The following DLGAP4 variants were observed in gnomAD, a reference collection of about 807,000 sequenced individuals.
DLGAP4 encodes the protein disks large-associated protein 4.
Under a neutral mutation model 86.9 loss-of-function variants are expected in DLGAP4, and 18 were observed. The ratio of observed to expected loss-of-function variants is 0.21; its 90% CI spans 0.14 to 0.31. The LOEUF (loss-of-function observed/expected upper bound fraction) is 0.31. DLGAP4 is among the 10% of genes least tolerant of loss of function. The pLI, the probability that DLGAP4 is intolerant of heterozygous loss-of-function variation, is 1.00. For missense variants in DLGAP4, 1,085 were observed against 1,362.6 expected (o/e 0.80, Z 3.21); for synonymous variants, 548 against 574.3 (o/e 0.95, Z 0.65).
intron 1 of DLGAP4, among the ~76,000 whole-genome samples, chr20:36,339,405 T>C (rs1434195227): frequency 6.6e-6 from 1 of 151,932 alleles, no homozygotes; most frequent in East Asian, 1.9e-4. Flanking sequence ...TTTGTTTGTT[T>C]AAGGCAAGGT....
intron 2 of DLGAP4, among the ~76,000 whole-genome samples, chr20:36,395,048 C>T (rs914634508): frequency 1.1e-4 from 16 of 152,112 alleles, no homozygotes; most frequent in Admixed American, 2.0e-4. Flanking sequence ...ACACCAGCCT[C>T]CTTGCACCAG....
In DLGAP4 at chr20:36,500,457, C is replaced by T. The variant is rs771890347; in HGVS notation, c.2358C>T (p.Thr786=). ...CCCCACCCGACCCCTGGCTCGAGAC[C>T]TCCTCCAGCTCCCCAGCAGAGCCGG... ...SLPPPDPWLE[T]SSSSPAEPAQ... is the part of the protein sequence containing the mutation. The change falls in exon 10 of 13, where the codon ACC becomes ACT. Residue 786 remains threonine (T), a synonymous_variant. Coordinates refer to ENST00000339266, the MANE Select transcript of DLGAP4 (RefSeq NM_001365621.2). This position sits in a 1 kb window ranked among gnomAD's most constrained non-coding sequence, Gnocchi z 4.6. 7 of 1,585,754 alleles carry T rather than the reference C, an allele frequency of 4.4e-6. No homozygotes were observed. The Admixed American group carries it at 7.1e-5, about 16-fold the overall frequency.
At chr20:36,353,985 G>A (rs189539593) in intron 1 of DLGAP4, among the ~76,000 whole-genome samples, 101 of 152,326 alleles carry the variant, frequency 6.6e-4, no homozygotes, top group Non-Finnish European at 1.0e-3. Context: ...CAGCTCCCTC[G>A]AGCGCCTGCT....
intron 10 of DLGAP4, among the ~76,000 whole-genome samples, chr20:36,509,296 C>T (rs533396078): frequency 2.6e-5 from 4 of 152,086 alleles, no homozygotes; most frequent in South Asian, 2.1e-4. Context: ...ATTGGCCAGG[C>T]GCAGTGGCTC....
At chr20:36,382,972 G>A (rs757455528) in intron 2 of DLGAP4, among the ~76,000 whole-genome samples, 26 of 152,194 alleles carry the variant, frequency 1.7e-4, no homozygotes, top group Non-Finnish European at 3.5e-4. Context: ...TGGGAAGGGG[G>A]AATGTTTACT....
intron 5 of DLGAP4, among the ~76,000 whole-genome samples, chr20:36,440,825 C>T (rs745559033): frequency 5.3e-5 from 8 of 152,008 alleles, no homozygotes; most frequent in Non-Finnish European, 4.4e-5. Context: ...GGCAGTGGGG[C>T]GGCCAGGTGC....
At chr20:36,400,899 G>A (rs1162692994) in intron 2 of DLGAP4, among the ~76,000 whole-genome samples, 4 of 152,132 alleles carry the variant, frequency 2.6e-5, no homozygotes, top group Admixed American at 6.6e-5. Context: ...AGCTGTCACC[G>A]GGCGCTGGGG....
intron 2 of DLGAP4, among the ~76,000 whole-genome samples, chr20:36,418,667 C>A (rs1202747062): frequency 6.6e-6 from 1 of 152,082 alleles, no homozygotes; most frequent in African/African-American, 2.4e-5. Flanking sequence ...CCCTGAGGAG[C>A]TGTGACATCC....
At chr20:36,335,414 A>G (rs904957225) in intron 1 of DLGAP4, among the ~76,000 whole-genome samples, 3 of 152,200 alleles carry the variant, frequency 2.0e-5, no homozygotes, top group African/African-American at 4.8e-5. Flanking sequence ...TTGCTCATCT[A>G]TAAAATGGGA....
intron 2 of DLGAP4, among the ~76,000 whole-genome samples, chr20:36,428,292 C>T (rs953295636): frequency 3.3e-5 from 5 of 152,202 alleles, no homozygotes; most frequent in Middle Eastern, 3.2e-3. Flanking sequence ...GTTTCCCAGT[C>T]GCACTAGCTG....
At chr20:36,456,640 T>G (rs138848365) in intron 7 of DLGAP4, among the ~76,000 whole-genome samples, 128 of 152,348 alleles carry the variant, frequency 8.4e-4, no homozygotes, top group Middle Eastern at 3.4e-3. Flanking sequence ...CACCAACCCT[T>G]GGACTACGAC....
intron 7 of DLGAP4, among the ~76,000 whole-genome samples, chr20:36,479,417 T>C (rs921789464): frequency 6.6e-6 from 1 of 152,080 alleles, no homozygotes; most frequent in Non-Finnish European, 1.5e-5. Flanking sequence ...CACCCTGCCT[T>C]CAGGAGGCTC....
At chr20:36,348,610 G>C (rs112868339) in intron 1 of DLGAP4, among the ~76,000 whole-genome samples, 7,435 of 151,822 alleles carry the variant, frequency 0.049, 617 homozygotes, top group African/African-American at 0.17. Flanking sequence ...GTAGAGACAA[G>C]GTTTCACCAT....
At chr20:36,490,417 C>CCCAATTTA (rs2035608667) in intron 7 of DLGAP4, among the ~76,000 whole-genome samples, 1 of 152,136 alleles carries the variant, frequency 6.6e-6, no homozygotes. Context: ...AGATGAGTTG[C>CCCAATTTA]CCAATTTAGC....
chr20:36,385,496 G>A (rs1475281738), intron 2 of DLGAP4, among the ~76,000 whole-genome samples: 1 of 152,156 alleles, frequency 6.6e-6, no homozygotes, highest in Non-Finnish European at 1.5e-5. Context: ...GTGCAAAAGG[G>A]CCTAGAACTG....
In DLGAP4 at chr20:36,408,800, T is replaced by G. The variant is rs1326752145; in HGVS notation, c.-72-22846T>G. Among the ~76,000 whole-genome samples, 4 of 152,212 alleles carry G rather than the reference T, an allele frequency of 2.6e-5. No homozygotes were observed. In the East Asian group the frequency reaches 7.7e-4, roughly 29 times the overall value. The stretch of plus-strand genomic sequence containing the variant: ...CATGATTAAAATTCTAATGACTAAA[T>G]GCAATGCGGTATCCTCGACTGGATC... On this transcript the variant is annotated intron_variant, in intron 2 of 12. Transcript: ENST00000339266.
intron 6 of DLGAP4, 50 bp from the exon 7 acceptor site, chr20:36,446,647 C>G (rs760988289): frequency 4.5e-6 from 7 of 1,548,498 alleles, no homozygotes; most frequent in Admixed American, 1.7e-5. Flanking sequence ...CCGCTCCCCC[C>G]AGGATGGGCA....
At chr20:36,484,153 T>C (rs975146331) in intron 7 of DLGAP4, among the ~76,000 whole-genome samples, 21 of 152,226 alleles carry the variant, frequency 1.4e-4, no homozygotes, top group Admixed American at 1.2e-3. Flanking sequence ...TTTGTTTGTT[T>C]ATTTTTTCTC....
intron 10 of DLGAP4, among the ~76,000 whole-genome samples, chr20:36,505,388 T>G (rs2036317488): frequency 6.6e-6 from 1 of 152,170 alleles, no homozygotes; most frequent in South Asian, 2.1e-4. Context: ...AATAAAAATT[T>G]AAGATAAACA....
Sources: allele counts gnomAD v4.1 joint callset (sites outside exome capture counted in the v4.1 genomes callset), GRCh38; gene constraint gnomAD v4.1.1; non-coding constraint Gnocchi (gnomAD v3.1); transcripts MANE v1.5; gene names NCBI Gene and HGNC (gene_info 2026-07-23, HGNC 2026-07-21).